The following ICA1 variants were observed in gnomAD, a reference collection of about 807,000 sequenced individuals.
ICA1 encodes 69 kDa islet cell autoantigen.
In ICA1, 40 loss-of-function variants were observed where a neutral mutation model predicts 71.0. The observed-to-expected ratio is 0.56, with a 90% CI of 0.44 to 0.73. ICA1 has a LOEUF of 0.73. ICA1 is among the 30% of genes least tolerant of loss of function. The pLI is 0.00. For missense variants in ICA1, 578 were observed against 576.5 expected, an observed-to-expected ratio of 1.00 and a Z score of -0.03; for synonymous variants, 207 against 209.5, an observed-to-expected ratio of 0.99 and a Z score of 0.10.
chr7:8,197,002 G>A (rs1310613842), intron 6 of ICA1, among the ~76,000 whole-genome samples: 4 of 152,076 alleles, frequency 2.6e-5, no homozygotes, highest in Non-Finnish European at 5.9e-5. Flanking sequence ...GTGCAACTGT[G>A]AGTCAATTAA....
At chr7:8,192,090 T>C (rs1785856855) in intron 6 of ICA1, among the ~76,000 whole-genome samples, 1 of 152,162 alleles carries the variant, frequency 6.6e-6, no homozygotes, top group Non-Finnish European at 1.5e-5. Flanking sequence ...TTCCTAAAAA[T>C]AGGGAACTCT....
chr7:8,214,826 G>C (rs950064937), intron 6 of ICA1, among the ~76,000 whole-genome samples: 23 of 152,140 alleles, frequency 1.5e-4, no homozygotes, highest in African/African-American at 5.6e-4. Flanking sequence ...GCAATCTGAA[G>C]ACACTATGAA....
At chr7:8,187,610 T>G (rs1463574185) in intron 6 of ICA1, among the ~76,000 whole-genome samples, 2 of 152,260 alleles carry the variant, frequency 1.3e-5, no homozygotes, top group African/African-American at 4.8e-5. Context: ...TTACTGTAAC[T>G]TTTTTACTTT....
intron 8 of ICA1, among the ~76,000 whole-genome samples, chr7:8,155,391 C>A (rs558012220): frequency 7.2e-5 from 11 of 152,170 alleles, no homozygotes; most frequent in Non-Finnish European, 1.5e-4. Flanking sequence ...ATCCTCTCTG[C>A]AGGATAAACG....
Position 8,135,129 on chromosome 7 carries a change from C to T in ICA1, c.1060+3711G>A, listed in dbSNP as rs112668087. Among the ~76,000 whole-genome samples the T allele has an allele frequency of 6.1e-3, 933 of 152,160 alleles. 8 individuals are homozygous for T. The highest frequency in any genetic ancestry group is 0.021 in the African/African-American group (870 of 41,484). The stretch of plus-strand genomic sequence containing the variant: ...GCAACCTCCGCCTCCCGGGTTCAAG[C>T]GATTCTTCTGCCTCAGCCTCCAGAG... On this transcript the variant is annotated intron_variant, in intron 12 of 13. Transcript: ENST00000402384.
At chr7:8,186,315 T>A (rs1377476823) in intron 6 of ICA1, among the ~76,000 whole-genome samples, 1 of 152,146 alleles carries the variant, frequency 6.6e-6, no homozygotes, top group African/African-American at 2.4e-5. Flanking sequence ...CAAACATAAA[T>A]GTGGACCATG....
chr7:8,181,256 C>A (rs774888253), intron 6 of ICA1, among the ~76,000 whole-genome samples: 18 of 152,090 alleles, frequency 1.2e-4, no homozygotes, highest in Non-Finnish European at 2.1e-4. Context: ...CAATGAATTA[C>A]AGTAATGCTG....
At chr7:8,182,737 T>C (rs1003013554) in intron 6 of ICA1, among the ~76,000 whole-genome samples, 3 of 152,246 alleles carry the variant, frequency 2.0e-5, no homozygotes, top group African/African-American at 7.2e-5. Context: ...ACATTTTGTC[T>C]TTTAAAAACT....
chr7:8,181,464 C>T (rs1274269812), intron 6 of ICA1, among the ~76,000 whole-genome samples: 1 of 152,046 alleles, frequency 6.6e-6, no homozygotes, highest in African/African-American at 2.4e-5. Flanking sequence ...CTATTCTATG[C>T]CCTTTGTATT....
chr7:8,117,679 C>T (rs1319954405), intron 13 of ICA1, among the ~76,000 whole-genome samples: 3 of 152,128 alleles, frequency 2.0e-5, no homozygotes, highest in Non-Finnish European at 2.9e-5. Flanking sequence ...AAACTGTATC[C>T]TTTTATTGGC....
At chr7:8,114,314 G>A (rs1784085123) in intron 13 of ICA1, among the ~76,000 whole-genome samples, 1 of 152,110 alleles carries the variant, frequency 6.6e-6, no homozygotes, top group Non-Finnish European at 1.5e-5. Flanking sequence ...AATGGCCATA[G>A]CCCATGAAAA....
rs1355036260 is a variant in ICA1, at chr7:8,144,844, A to T, written c.805-872T>A. The stretch of plus-strand genomic sequence containing the variant: ...TATATTCTCAGAACTACTAAAATCC[A>T]AGTCATGAGCCTGGGGCCTTCACCT... On this transcript the variant is annotated intron_variant, in intron 8 of 13. Transcript: ENST00000402384. This position sits in a 1 kb window ranked among gnomAD's most constrained non-coding sequence, Gnocchi z 4.5. Among the ~76,000 whole-genome samples the T allele has an allele frequency of 6.6e-6, 1 of 152,170 alleles. No individual in the cohort carries two copies. Among genetic ancestry groups the T allele is most frequent in the Non-Finnish European group, 1.5e-5 (1 of 68,016 alleles).
chr7:8,162,965 T>A (rs1251915900), intron 6 of ICA1, among the ~76,000 whole-genome samples: 1 of 152,220 alleles, frequency 6.6e-6, no homozygotes, highest in Non-Finnish European at 1.5e-5. Context: ...GGTTTCACCA[T>A]GTTGGCCAGG....
intron 12 of ICA1, among the ~76,000 whole-genome samples, chr7:8,138,426 A>T (rs1180625630): frequency 6.6e-6 from 1 of 152,206 alleles, no homozygotes; most frequent in Non-Finnish European, 1.5e-5. Context: ...ACAATAACCC[A>T]CCAAGGCCGT....
chr7:8,247,324 G>A (rs1173407421), intron 1 of ICA1, among the ~76,000 whole-genome samples: 2 of 152,054 alleles, frequency 1.3e-5, no homozygotes, highest in Non-Finnish European at 2.9e-5. Flanking sequence ...GCTAGACACG[G>A]TGGCACACGC....
At chr7:8,169,901 AGT>A (rs58794085) in intron 6 of ICA1, among the ~76,000 whole-genome samples, 3 of 147,190 alleles carry the variant, frequency 2.0e-5, no homozygotes, top group African/African-American at 7.5e-5. Flanking sequence ...TTAATGCCTG[AGT>A]GTGTGTGTGT....
At position 8,156,930 on chromosome 7, in the gene ICA1, A is replaced by G. The variant is rs575652075; in HGVS notation, c.804+186T>C. On this transcript the variant is annotated intron_variant, in intron 8 of 13. Transcript: ENST00000402384. ...TCATTGTATTGAATCCTGATGCAGT[A>G]AAAAAAAAAAAAAAAAAAAAAAAAG... is the stretch of plus-strand genomic sequence containing the variant. The G allele has an allele frequency of 1.5e-4, 161 of 1,072,058 alleles. 1 individual carries two copies. In the African/African-American group the frequency reaches 3.3e-3, roughly 22 times the overall value. 66.4% of individuals were successfully genotyped at this position (1,072,058 alleles called of 1,614,324 possible).
At chr7:8,247,469 A>C (rs575238717) in intron 1 of ICA1, among the ~76,000 whole-genome samples, 1 of 151,554 alleles carries the variant, frequency 6.6e-6, no homozygotes, top group African/African-American at 2.4e-5. Context: ...CAAAAAAGAA[A>C]AGAAAAAAGA....
intron 6 of ICA1, among the ~76,000 whole-genome samples, chr7:8,195,304 GGGCAGATCC>G (rs890139626): frequency 1.6e-4 from 25 of 152,340 alleles, no homozygotes; most frequent in African/African-American, 5.8e-4. Context: ...AGGATGAGGT[GGGCAGATCC>G]CTGGATCTCT....
Sources: gnomAD v4.1 joint callset for allele counts (sites outside exome capture counted in the v4.1 genomes callset) on GRCh38, gnomAD v4.1.1 for gene constraint, Gnocchi (gnomAD v3.1) non-coding constraint, MANE v1.5 for transcripts, NCBI Gene and HGNC (gene_info 2026-07-23, HGNC 2026-07-21) for gene names.